Variants in NTM observed in about 807,000 individuals in gnomAD.
The protein encoded by NTM is IgLON family member 2.
NTM carries 13 observed loss-of-function variants against 42.1 expected under a neutral mutation model. The observed-to-expected ratio is 0.31, with a 90% CI of 0.20 to 0.49. The LOEUF is 0.49. Among genes scored for constraint, NTM ranks in the 20% least tolerant of loss-of-function variants. The pLI is 0.99. For synonymous variants in NTM, 187 were observed against 179.2 expected (o/e 1.04, Z -0.35); for missense variants, 373 against 452.8 (o/e 0.82, Z 1.60).
At chr11:131,514,928 G>C (rs545675516) in intron 1 of NTM, among the ~76,000 whole-genome samples, 2 of 152,074 alleles carry the variant, frequency 1.3e-5, no homozygotes, top group Non-Finnish European at 1.5e-5. Flanking sequence ...GAGAGGGAGA[G>C]AGACAAGGTC....
intron 3 of NTM, among the ~76,000 whole-genome samples, chr11:132,155,122 C>T (rs1367685330): frequency 1.3e-5 from 2 of 151,970 alleles, no homozygotes; most frequent in African/African-American, 4.8e-5. Context: ...GTGTTGGCTC[C>T]GTTGGGGATT....
intron 1 of NTM, among the ~76,000 whole-genome samples, chr11:131,548,559 CA>C (rs1353923170): frequency 6.6e-6 from 1 of 151,986 alleles, no homozygotes; most frequent in Non-Finnish European, 1.5e-5. Context: ...TTATGAGATA[CA>C]AAAGTTTGCT....
At chr11:131,972,948 TCAA>T (rs2063769635) in intron 2 of NTM, among the ~76,000 whole-genome samples, 2 of 152,058 alleles carry the variant, frequency 1.3e-5, no homozygotes, top group African/African-American at 2.4e-5. Flanking sequence ...TAGAAACAAT[TCAA>T]CAATAACCAG....
chr11:132,021,537 T>A (rs1368734415), intron 2 of NTM, among the ~76,000 whole-genome samples: 1 of 152,232 alleles, frequency 6.6e-6, no homozygotes, highest in African/African-American at 2.4e-5. Context: ...TTTGCTGTTT[T>A]TTTCTGTTTA....
chr11:132,333,974 T>C (rs2095845388), intron 8 of NTM, among the ~76,000 whole-genome samples: 1 of 152,154 alleles, frequency 6.6e-6, no homozygotes, highest in African/African-American at 2.4e-5. Flanking sequence ...GGTTCTGGCT[T>C]TGTTCCTTGT....
chr11:131,580,208 T>C (rs968108322), intron 1 of NTM, among the ~76,000 whole-genome samples: 1 of 152,148 alleles, frequency 6.6e-6, no homozygotes, highest in Non-Finnish European at 1.5e-5. Context: ...TTTATAAACA[T>C]CCCCAATCAG....
chr11:131,626,206 A>G (rs1295749659), intron 1 of NTM, among the ~76,000 whole-genome samples: 1 of 152,218 alleles, frequency 6.6e-6, no homozygotes, highest in Non-Finnish European at 1.5e-5. Flanking sequence ...CATGGAGAAT[A>G]TACCTATTAA....
At chr11:131,650,425 A>C (rs1302209826) in intron 1 of NTM, among the ~76,000 whole-genome samples, 2 of 152,052 alleles carry the variant, frequency 1.3e-5, no homozygotes, top group Non-Finnish European at 2.9e-5. Context: ...TCTCTGCCAG[A>C]CCTCTGCTCC....
intron 1 of NTM, among the ~76,000 whole-genome samples, chr11:131,765,550 A>C (rs1439828518): frequency 6.6e-6 from 1 of 152,192 alleles, no homozygotes; most frequent in African/African-American, 2.4e-5. Flanking sequence ...ACCCAGCCCC[A>C]TGTCCTGTAT....
intron 4 of NTM, among the ~76,000 whole-genome samples, chr11:132,261,018 G>A (rs573806076): frequency 2.6e-5 from 4 of 152,294 alleles, no homozygotes; most frequent in South Asian, 4.1e-4. Context: ...GAAGGATTTG[G>A]GCACTGTTGC....
At chr11:132,009,059 C>T (rs372369867) in intron 2 of NTM, among the ~76,000 whole-genome samples, 1 of 152,228 alleles carries the variant, frequency 6.6e-6, no homozygotes, top group African/African-American at 2.4e-5. Context: ...TGCACACACT[C>T]TGCTTCCCGC....
At position 131,699,682 on chromosome 11, in the gene NTM, G is replaced by A. The variant is rs150600959; in HGVS notation, c.83-211882G>A. On this transcript the variant is annotated intron_variant, in intron 1 of 8. Coordinates refer to ENST00000683400, the MANE Select transcript of NTM (RefSeq NM_001352005.2). Reference sequence around the variant, plus strand: ...AATCATGGAGGAAGGGGAAGCAAACGCGTCCTCCTTCACATGAAGGCAGGA... The same window carrying A: ...AATCATGGAGGAAGGGGAAGCAAACACGTCCTCCTTCACATGAAGGCAGGA... 2.9e-3 allele frequency among the ~76,000 whole-genome samples: 438 copies of A among 152,156 alleles called. 4 individuals carry two copies. The highest frequency in any genetic ancestry group is 9.9e-3 in the African/African-American group (409 of 41,502).
chr11:131,386,321 A>G (rs1404478951), intron 1 of NTM, among the ~76,000 whole-genome samples: 1 of 152,180 alleles, frequency 6.6e-6, no homozygotes, highest in Non-Finnish European at 1.5e-5. Context: ...ACAGGGAGTG[A>G]TTTAATGGTC....
chr11:131,997,355 C>G (rs948666330), intron 2 of NTM, among the ~76,000 whole-genome samples: 4 of 152,176 alleles, frequency 2.6e-5, no homozygotes, highest in African/African-American at 9.7e-5. Context: ...CAGGATGACT[C>G]TGGCTTTTTC....
At chr11:131,544,143 G>A (rs1053056647) in intron 1 of NTM, among the ~76,000 whole-genome samples, 6 of 152,144 alleles carry the variant, frequency 3.9e-5, no homozygotes, top group Non-Finnish European at 8.8e-5. Flanking sequence ...AAGATTAGAG[G>A]ACTAAAGAAG....
At chr11:132,000,425 G>T (rs1192427828) in intron 2 of NTM, among the ~76,000 whole-genome samples, 4 of 152,150 alleles carry the variant, frequency 2.6e-5, no homozygotes, top group African/African-American at 9.7e-5. Context: ...TCCTGAGGAG[G>T]TTGTTTCAGT....
At chr11:131,852,065 T>C (rs1421131232) in intron 1 of NTM, among the ~76,000 whole-genome samples, 1 of 152,056 alleles carries the variant, frequency 6.6e-6, no homozygotes, top group Non-Finnish European at 1.5e-5. Context: ...ATGTTCCGAA[T>C]AGAGAGAAAG....
intron 3 of NTM, among the ~76,000 whole-genome samples, chr11:132,182,055 C>G (rs1044223557): frequency 1.3e-5 from 2 of 151,426 alleles, no homozygotes; most frequent in African/African-American, 2.4e-5. Context: ...AAAACCCACT[C>G]CATATTTCAT....
intron 2 of NTM, among the ~76,000 whole-genome samples, chr11:132,071,208 T>A (rs2057600404): frequency 7.2e-6 from 1 of 139,680 alleles, no homozygotes; most frequent in Non-Finnish European, 1.6e-5. Flanking sequence ...AGTTAACACG[T>A]CACACTGACC....
Sources: gnomAD v4.1 joint callset for allele counts (sites outside exome capture counted in the v4.1 genomes callset) on GRCh38, gnomAD v4.1.1 for gene constraint, MANE v1.5 for transcripts, NCBI Gene and HGNC (gene_info 2026-07-23, HGNC 2026-07-21) for gene names.